The following RASA3 variants were observed in gnomAD, a reference collection of about 807,000 sequenced individuals.
The protein encoded by RASA3 is RAS p21 protein activator 3, also known as ras GTPase-activating protein 3.
In RASA3, 73 loss-of-function variants were observed where a neutral mutation model predicts 110.0. The observed-to-expected ratio is 0.66, with a 90% CI of 0.55 to 0.81. The LOEUF (loss-of-function observed/expected upper bound fraction) is 0.81, where lower values mean the gene tolerates loss of function less well. RASA3 is among the 30% of genes least tolerant of loss of function. RASA3 has a pLI of 0.00. For missense variants in RASA3, 976 were observed against 1,113.2 expected, an observed-to-expected ratio of 0.88 and a Z score of 1.75; for synonymous variants, 500 against 451.4, an observed-to-expected ratio of 1.11 and a Z score of -1.37.
chr13:114,013,483 ATC>A (rs2053690823), intron 14 of RASA3, among the ~76,000 whole-genome samples: 14 of 87,868 alleles, frequency 1.6e-4, no homozygotes, highest in South Asian at 7.4e-4. Context: ...CTCTCTCCGT[ATC>A]TCTGTCTCTC....
chr13:114,081,528 T>C (rs1181521237), intron 1 of RASA3, among the ~76,000 whole-genome samples: 1 of 152,124 alleles, frequency 6.6e-6, no homozygotes, highest in Non-Finnish European at 1.5e-5. Flanking sequence ...CTGAGATGAA[T>C]GGAGCAGGAA....
chr13:114,055,530 A>G (rs2079229125), intron 2 of RASA3, among the ~76,000 whole-genome samples: 1 of 152,226 alleles, frequency 6.6e-6, no homozygotes. Context: ...TTTAATATTC[A>G]CGACAAGGCC....
chr13:114,125,282 C>G (rs1438050538), intron 1 of RASA3, among the ~76,000 whole-genome samples: 5 of 152,156 alleles, frequency 3.3e-5, no homozygotes, highest in African/African-American at 1.2e-4. Context: ...ACACCTGAGA[C>G]TGGGTAATTC....
In RASA3 at chr13:114,056,337, A is replaced by T; in HGVS notation, c.174-4182T>A. On this transcript the variant is annotated intron_variant, in intron 2 of 23. Transcript: ENST00000334062. The surrounding 1 kb of genome is among the most constrained non-coding windows in gnomAD (Gnocchi z 5.7). Reference sequence around the variant, plus strand: ...GCGGTGAGATGAGGATGCCAGCGCTAAGCACACCCCACAAACGGGCGCCGC... The same window carrying T: ...GCGGTGAGATGAGGATGCCAGCGCTTAGCACACCCCACAAACGGGCGCCGC... The T allele has an allele frequency of 1.6e-6, 1 of 607,420 alleles. No individual in the cohort carries two copies. The highest frequency in any genetic ancestry group is 2.1e-6 in the Non-Finnish European group (1 of 484,396). 37.6% of individuals were successfully genotyped at this position (607,420 alleles called of 1,614,324 possible).
rs199766447 is a variant in RASA3, at chr13:114,016,241, C to G, written c.1237G>C (p.Asp413His). The change falls in exon 13 of 24, where the codon GAC becomes CAC. Residue 413 changes from aspartate to histidine, a missense_variant. Asp to His is a moderately conservative substitution (Grantham distance 81). Around this residue, in one of 4 missense-constraint regions of RASA3, gnomAD observed 732 missense variants for 779.7 expected, o/e 0.94. Coordinates refer to ENST00000334062, the MANE Select transcript of RASA3 (RefSeq NM_007368.4). ...TCTCCGTCTTTCAACTTCACAGGGT[C>G]GATTTCACAGGGTTTGTGGCTCTGG... ...ICQSHKPCEI[D>H]PVKLKDGENL... 1.7e-5 allele frequency: 28 copies of G among 1,602,416 alleles called. No homozygotes were observed. Among genetic ancestry groups the G allele is most frequent in the Non-Finnish European group, 2.4e-5 (28 of 1,169,688 alleles).
intron 1 of RASA3, among the ~76,000 whole-genome samples, chr13:114,079,453 A>G (rs560893201): frequency 6.6e-6 from 1 of 152,342 alleles, no homozygotes; most frequent in South Asian, 2.1e-4. Context: ...GTCCCAACGC[A>G]AAACATTCAA....
chr13:114,121,882 G>A (rs886800186), intron 1 of RASA3, among the ~76,000 whole-genome samples: 14 of 152,322 alleles, frequency 9.2e-5, no homozygotes, highest in Non-Finnish European at 1.5e-4. Context: ...CTCCTGCCTC[G>A]CACCATGCAG....
chr13:114,047,323 C>A (rs1014762321), intron 3 of RASA3, among the ~76,000 whole-genome samples: 11 of 152,220 alleles, frequency 7.2e-5, no homozygotes, highest in African/African-American at 2.2e-4. Context: ...TCTTCACGGA[C>A]ACGCAATAAA....
At chr13:114,113,089 T>C (rs2080239177) in intron 1 of RASA3, among the ~76,000 whole-genome samples, 1 of 152,260 alleles carries the variant, frequency 6.6e-6, no homozygotes, top group East Asian at 1.9e-4. Context: ...GCTGGGATGA[T>C]CCTAAGGGGA....
chr13:114,032,850 C>T (rs1158629876), intron 4 of RASA3, among the ~76,000 whole-genome samples: 38 of 89,086 alleles, frequency 4.3e-4, no homozygotes, highest in African/African-American at 1.7e-3. Flanking sequence ...CTTGATACCA[C>T]GTTCCACGGC....
intron 4 of RASA3, among the ~76,000 whole-genome samples, chr13:114,037,263 G>A (rs913728229): frequency 1.3e-5 from 2 of 152,182 alleles, no homozygotes; most frequent in Admixed American, 6.5e-5. Flanking sequence ...AAGTTGCACC[G>A]ACTGTCACAA....
chr13:114,087,898 G>A (rs2079842449), intron 1 of RASA3, among the ~76,000 whole-genome samples: 1 of 152,252 alleles, frequency 6.6e-6, no homozygotes, highest in African/African-American at 2.4e-5. Flanking sequence ...GAGAGGCTGA[G>A]GCTGACGGAT....
intron 15 of RASA3, among the ~76,000 whole-genome samples, chr13:114,012,299 C>T (rs932626953): frequency 1.3e-5 from 2 of 151,796 alleles, no homozygotes; most frequent in African/African-American, 2.4e-5. Context: ...CAGGACCCAG[C>T]GCATCCACCA....
intron 1 of RASA3, among the ~76,000 whole-genome samples, chr13:114,127,563 C>A (rs933748090): frequency 1.3e-5 from 2 of 152,212 alleles, no homozygotes; most frequent in Non-Finnish European, 2.9e-5. Context: ...TGTTCTCCAG[C>A]CCTCCATGAT....
chr13:114,129,615 TAGTAAG>T (rs1238884666), intron 1 of RASA3, among the ~76,000 whole-genome samples: 1 of 152,210 alleles, frequency 6.6e-6, no homozygotes, highest in African/African-American at 2.4e-5. Flanking sequence ...CTTTTTTTCT[TAGTAAG>T]AGTAGTAGCA....
Position 114,057,449 on chromosome 13 carries a change from A to G in RASA3, c.174-5294T>C. The G allele has an allele frequency of 1.0e-6, 1 of 985,392 alleles. No individual in the cohort carries two copies. The highest frequency in any genetic ancestry group is 5.2e-4 in the Middle Eastern group (1 of 1,914). 61.0% of individuals were successfully genotyped at this position (985,392 alleles called of 1,614,324 possible). On this transcript the variant is annotated intron_variant, in intron 2 of 23. Coordinates refer to ENST00000334062, the MANE Select transcript of RASA3 (RefSeq NM_007368.4). The surrounding 1 kb of genome is among the most constrained non-coding windows in gnomAD (Gnocchi z 5.0). Reference sequence around the variant, plus strand: ...CTCATTTTAATGAAGGCTCTGCAGGATTTCAAGGAAAGCTGGAGCCAGTCT... The same window carrying G: ...CTCATTTTAATGAAGGCTCTGCAGGGTTTCAAGGAAAGCTGGAGCCAGTCT...
intron 1 of RASA3, among the ~76,000 whole-genome samples, chr13:114,131,772 G>A (rs1364411535): frequency 6.6e-6 from 1 of 150,820 alleles, no homozygotes; most frequent in African/African-American, 2.4e-5. Flanking sequence ...AAATACACAC[G>A]CGCGCACACA....
chr13:114,050,590 G>A (rs563445870), intron 3 of RASA3, among the ~76,000 whole-genome samples: 1 of 152,366 alleles, frequency 6.6e-6, no homozygotes, highest in Admixed American at 6.5e-5. Flanking sequence ...GCCCGGCCCC[G>A]AGGGCCTCTC....
rs1015397894 is a variant in RASA3 at position 114,042,348 on chromosome 13, A to C, written c.278-1254T>G. On this transcript the variant is annotated intron_variant, in intron 3 of 23. Transcript: ENST00000334062. ...CACGGCAGCACATGCACCTCTGTTGACCGATGCACGTGAACTCCTAGGGAG... is the reference window on the plus strand; with the variant it reads ...CACGGCAGCACATGCACCTCTGTTGCCCGATGCACGTGAACTCCTAGGGAG... Among the ~76,000 whole-genome samples, 10 of 152,362 alleles carry C rather than the reference A, an allele frequency of 6.6e-5. No individual in the cohort carries two copies. In the East Asian group the frequency reaches 1.2e-3, roughly 18 times the overall value.
Sources: gnomAD v4.1 joint callset for allele counts (sites outside exome capture counted in the v4.1 genomes callset) on GRCh38, gnomAD v4.1.1 for gene constraint, gnomAD v4.1.1 regional missense constraint, Gnocchi (gnomAD v3.1) non-coding constraint, MANE v1.5 for transcripts, NCBI Gene and HGNC (gene_info 2026-07-23, HGNC 2026-07-21) for gene names.